NSD1: variants seen among roughly 807,000 people sequenced by gnomAD.
The protein encoded by NSD1 is histone-lysine N-methyltransferase, H3 lysine-36 specific.
In NSD1, 26 loss-of-function variants were observed where a neutral mutation model predicts 242.7. That is an observed-to-expected ratio of 0.11 (90% CI 0.08 to 0.15). The LOEUF (loss-of-function observed/expected upper bound fraction) is 0.15. Ranked by LOEUF, NSD1 falls within the 10% of genes least tolerant of loss-of-function variation. NSD1 has a pLI of 1.00. For synonymous variants in NSD1, 1,106 were observed against 1,178.1 expected, an observed-to-expected ratio of 0.94 and a Z score of 1.25; for missense variants, 2,495 against 3,272.8, an observed-to-expected ratio of 0.76 and a Z score of 5.80.
intron 17 of NSD1, among the ~76,000 whole-genome samples, chr5:177,277,443 C>T (rs2127251682): frequency 6.6e-6 from 1 of 152,180 alleles, no homozygotes; most frequent in South Asian, 2.1e-4. Context: ...CTATGGCCTG[C>T]AAAGCCTGAA....
chr5:177,257,182 T>C, intron 13 of NSD1, 31 bp downstream of exon 13: 4 of 1,566,292 alleles, frequency 2.6e-6, no homozygotes, highest in African/African-American at 1.3e-5. Context: ...CCAGTCTAAT[T>C]GTAAAACCTC....
intron 5 of NSD1, among the ~76,000 whole-genome samples, chr5:177,212,828 G>A (rs1763466348): frequency 6.6e-6 from 1 of 151,964 alleles, no homozygotes; most frequent in African/African-American, 2.4e-5. Flanking sequence ...TTTTAGTAGA[G>A]ATGAGGGTTC....
Position 177,210,449 on chromosome 5 carries a change from A to C in NSD1, c.2050A>C (p.Ile684Leu). ...GTTATCTATGCAGAAAAATGAAAAG[A>C]TAAAGTATTCTAGGTTTGCTGCCAC... Reference protein sequence around the residue: ...NMLSMQKNEKIKYSRFAATNT... With the variant: ...NMLSMQKNEKLKYSRFAATNT... Residue 684 changes from isoleucine to leucine, a missense_variant, in exon 5 of 23, where the codon ATA (isoleucine) becomes CTA (leucine). Ile to Leu is a conservative substitution (Grantham distance 5). Coordinates refer to ENST00000439151, the MANE Select transcript of NSD1 (RefSeq NM_022455.5). 6.2e-7 allele frequency: 1 copy of C among 1,614,200 alleles called. No individual in the cohort carries two copies. The highest frequency in any genetic ancestry group is 8.5e-7 in the Non-Finnish European group (1 of 1,180,034).
intron 14 of NSD1, chr5:177,265,277 T>TA (rs370641855): frequency 0.045 from 24,170 of 537,134 alleles, 68 homozygotes; most frequent in South Asian, 0.056. Context: ...TCTGGACTGT[T>TA]AAAAAAAAAA....
rs771546242 is a variant in NSD1, at chr5:177,295,437, G to A, written c.8069G>A (p.Cys2690Tyr). 3.0e-5 allele frequency: 48 copies of A among 1,613,930 alleles called. No homozygotes were observed. The highest frequency in any genetic ancestry group is 4.1e-5 in the Non-Finnish European group (48 of 1,179,974). ...ALNQAPSSHK[C>Y]AESEQK ...AACCAGGCTCCTTCCAGTCACAAGT[G>A]TGCAGAATCAGAACAGAAGTAGTAC... is the stretch of plus-strand genomic sequence containing the variant. The change falls in exon 23 of 23, where the codon TGT becomes TAT. Residue 2690 changes from cysteine (C) to tyrosine (Y), a missense_variant. Cys to Tyr is a radical substitution (Grantham distance 194). This residue lies in a region of NSD1 where 475 missense variants were observed against 563.7 expected (regional missense o/e 0.84). Coordinates refer to ENST00000439151, the MANE Select transcript of NSD1 (RefSeq NM_022455.5). This position sits in a 1 kb window ranked among gnomAD's most constrained non-coding sequence, Gnocchi z 4.3.
chr5:177,168,681 G>T (rs540852625), intron 2 of NSD1, among the ~76,000 whole-genome samples: 12 of 151,992 alleles, frequency 7.9e-5, no homozygotes, highest in African/African-American at 2.2e-4. Flanking sequence ...GGCTGGTCTC[G>T]AACTCCTGAT....
chr5:177,196,166 AG>A (rs929204915), intron 3 of NSD1, among the ~76,000 whole-genome samples: 1 of 152,316 alleles, frequency 6.6e-6, no homozygotes. Context: ...AGAGTAAGGG[AG>A]GGTGGCACAG....
chr5:177,271,409 TG>T (rs1757933992), intron 16 of NSD1, among the ~76,000 whole-genome samples: 1 of 152,114 alleles, frequency 6.6e-6, no homozygotes, highest in South Asian at 2.1e-4. Context: ...CCCTATGAGG[TG>T]GATACCATCC....
chr5:177,174,137 C>T (rs943945100), intron 2 of NSD1, among the ~76,000 whole-genome samples: 3 of 151,860 alleles, frequency 2.0e-5, no homozygotes, highest in African/African-American at 7.3e-5. Flanking sequence ...GAGTCCGAGG[C>T]GGGTGGATCA....
intron 21 of NSD1, among the ~76,000 whole-genome samples, chr5:177,289,202 TC>T (rs1230704668): frequency 6.6e-6 from 1 of 151,894 alleles, no homozygotes; most frequent in Non-Finnish European, 1.5e-5. Flanking sequence ...GTGCTTGTAG[TC>T]CCAGCTACTC....
rs572426585 is a variant in NSD1, at chr5:177,218,637, G to A, written c.3796+6442G>A. Among the ~76,000 whole-genome samples, 32 of 150,898 alleles carry A rather than the reference G, an allele frequency of 2.1e-4. No individual in the cohort carries two copies. The South Asian group carries it at 3.8e-3, about 18-fold the overall frequency. On this transcript the variant is annotated intron_variant, in intron 5 of 22. Coordinates refer to ENST00000439151, the MANE Select transcript of NSD1 (RefSeq NM_022455.5). ...GGCTGGCGTGCCGTGGCGCAATCTCGGGTCACTGCAAGCTCCACCTCCCGG... is the reference window on the plus strand; with the variant it reads ...GGCTGGCGTGCCGTGGCGCAATCTCAGGTCACTGCAAGCTCCACCTCCCGG...
intron 3 of NSD1, among the ~76,000 whole-genome samples, chr5:177,196,233 T>TA (rs1374142544): frequency 1.3e-5 from 2 of 152,162 alleles, no homozygotes; most frequent in Non-Finnish European, 2.9e-5. Flanking sequence ...TTGACTTTGT[T>TA]AAAAAATTTT....
intron 16 of NSD1, among the ~76,000 whole-genome samples, chr5:177,271,956 T>C (rs1392088600): frequency 1.3e-5 from 2 of 151,862 alleles, no homozygotes; most frequent in African/African-American, 2.4e-5. Context: ...ACCCTGTCTC[T>C]ACTAAAAATA....
intron 2 of NSD1, among the ~76,000 whole-genome samples, chr5:177,139,049 A>C (rs1315208687): frequency 2.6e-5 from 4 of 151,090 alleles, no homozygotes; most frequent in Admixed American, 6.6e-5. Flanking sequence ...GAGGATTTCA[A>C]GACCAGCCTG....
chr5:177,193,738 T>C (rs1315457818), intron 3 of NSD1, among the ~76,000 whole-genome samples: 1 of 152,194 alleles, frequency 6.6e-6, no homozygotes, highest in Non-Finnish European at 1.5e-5. Flanking sequence ...TTCACTCCTT[T>C]CAACAGGCAA....
chr5:177,136,046 T>C lies in NSD1; in HGVS notation c.927+16T>C. ...ATTGCCATTTGTAAGCAGTTTTTGG[T>C]ACAACTTAAATATATACATATATGT... On this transcript the variant is annotated intron_variant, in intron 2 of 22. Coordinates refer to ENST00000439151, the MANE Select transcript of NSD1 (RefSeq NM_022455.5). The C allele has an allele frequency of 6.2e-7, 1 of 1,604,764 alleles. No homozygotes were observed. Among genetic ancestry groups the C allele is most frequent in the Admixed American group, 1.7e-5 (1 of 59,980 alleles).
chr5:177,158,999 T>TATATATATATATATATGAATGAG (rs1554173243), intron 2 of NSD1, among the ~76,000 whole-genome samples: 68 of 13,050 alleles, frequency 5.2e-3, no homozygotes, highest in African/African-American at 0.016. Flanking sequence ...TGAATGATTT[T>TATATATATATATATATGAATGAG]ATATATATAT....
At chr5:177,258,362 GTTTT>G (rs888199889) in intron 13 of NSD1, among the ~76,000 whole-genome samples, 7 of 151,816 alleles carry the variant, frequency 4.6e-5, no homozygotes, top group African/African-American at 1.7e-4. Context: ...GTGTTGATTT[GTTTT>G]TTGTTTGTTT....
chr5:177,159,009 T>TATATATATATATGAATG (rs1758483856), intron 2 of NSD1, among the ~76,000 whole-genome samples: 1 of 97,824 alleles, frequency 1.0e-5, no homozygotes, highest in African/African-American at 4.2e-5. Flanking sequence ...TATATATATA[T>TATATATATATATGAATG]ATATATATAT....
Sources: allele counts gnomAD v4.1 joint callset (sites outside exome capture counted in the v4.1 genomes callset), GRCh38; gene constraint gnomAD v4.1.1; regional missense constraint gnomAD v4.1.1; non-coding constraint Gnocchi (gnomAD v3.1); transcripts MANE v1.5; gene names NCBI Gene and HGNC (gene_info 2026-07-23, HGNC 2026-07-21).